Variants in NELL1 observed in about 807,000 individuals in gnomAD.
The protein encoded by NELL1 is neural EGFL like 1.
In NELL1, 76 loss-of-function variants were observed where a neutral mutation model predicts 107.4. The observed-to-expected ratio is 0.71, with a 90% CI of 0.59 to 0.86. The LOEUF (loss-of-function observed/expected upper bound fraction) is 0.86, where lower values mean the gene tolerates loss of function less well. NELL1 is among the 40% of genes least tolerant of loss of function. The pLI, the probability that NELL1 is intolerant of heterozygous loss-of-function variation, is 0.00. For missense variants in NELL1, 1,024 were observed against 1,005.5 expected (o/e 1.02, Z -0.25); for synonymous variants, 353 against 341.2 (o/e 1.03, Z -0.38).
At chr11:21,042,745 C>A (rs1301245330) in intron 12 of NELL1, among the ~76,000 whole-genome samples, 1 of 152,072 alleles carries the variant, frequency 6.6e-6, no homozygotes, top group Non-Finnish European at 1.5e-5. Context: ...TTGAAAACAT[C>A]TGAGGTAAAT....
At chr11:21,573,473 C>G in intron 19 of NELL1, 64 bp downstream of exon 19, 1 of 1,379,480 alleles carries the variant, frequency 7.2e-7, no homozygotes, top group Non-Finnish European at 1.0e-6. Flanking sequence ...TGCAGGAGGT[C>G]CACTCCTGAT....
At chr11:21,291,460 T>TA (rs1849260202) in intron 14 of NELL1, among the ~76,000 whole-genome samples, 1 of 151,964 alleles carries the variant, frequency 6.6e-6, no homozygotes, top group Non-Finnish European at 1.5e-5. Flanking sequence ...AGCCCAAGAC[T>TA]AGATAGATTC....
chr11:21,281,758 A>G (rs555108615), intron 14 of NELL1, among the ~76,000 whole-genome samples: 1 of 152,330 alleles, frequency 6.6e-6, no homozygotes. Context: ...TCTGCATGGT[A>G]ATCCAGATAA....
At chr11:21,153,770 A>G (rs1328349104) in intron 13 of NELL1, among the ~76,000 whole-genome samples, 1 of 152,176 alleles carries the variant, frequency 6.6e-6, no homozygotes, top group Non-Finnish European at 1.5e-5. Flanking sequence ...TCAGAGGTTA[A>G]TGTCAGTTAC....
At chr11:20,915,776 C>T (rs1850241991) in intron 5 of NELL1, among the ~76,000 whole-genome samples, 1 of 126,088 alleles carries the variant, frequency 7.9e-6, no homozygotes, top group Non-Finnish European at 1.6e-5. Flanking sequence ...TAGTTTTATG[C>T]ATTATAAAAT....
At chr11:21,218,667 A>G (rs559894990) in intron 13 of NELL1, among the ~76,000 whole-genome samples, 7 of 152,192 alleles carry the variant, frequency 4.6e-5, no homozygotes, top group South Asian at 2.1e-4. Context: ...CCAGCTTCTC[A>G]TAACCACAAG....
intron 10 of NELL1, among the ~76,000 whole-genome samples, chr11:20,942,363 GTGGGTAC>G (rs1850873510): frequency 6.6e-6 from 1 of 152,188 alleles, no homozygotes; most frequent in Non-Finnish European, 1.5e-5. Context: ...CTCTGCATCA[GTGGGTAC>G]TGGGTGTAGG....
intron 15 of NELL1, among the ~76,000 whole-genome samples, chr11:21,501,551 T>C (rs1855142576): frequency 6.6e-6 from 1 of 152,194 alleles, no homozygotes; most frequent in African/African-American, 2.4e-5. Flanking sequence ...ATTTGAGTCA[T>C]CAACAATGAA....
At chr11:21,481,378 G>C (rs1854487973) in intron 15 of NELL1, among the ~76,000 whole-genome samples, 1 of 152,144 alleles carries the variant, frequency 6.6e-6, no homozygotes, top group South Asian at 2.1e-4. Context: ...TCTGAGAAAG[G>C]GTTAGAGGAG....
chr11:20,975,597 A>T (rs1368764288), intron 12 of NELL1, among the ~76,000 whole-genome samples: 1 of 144,028 alleles, frequency 6.9e-6, no homozygotes, highest in African/African-American at 2.5e-5. Context: ...TGTAGATATA[A>T]TGTATTATAT....
At chr11:20,878,204 C>CA (rs1849341458) in intron 4 of NELL1, among the ~76,000 whole-genome samples, 1 of 151,498 alleles carries the variant, frequency 6.6e-6, no homozygotes, top group Admixed American at 6.6e-5. Context: ...ACTAAAAATA[C>CA]AAAAAATTAG....
At chr11:21,059,187 C>T (rs1326215340) in intron 12 of NELL1, among the ~76,000 whole-genome samples, 2 of 150,492 alleles carry the variant, frequency 1.3e-5, no homozygotes, top group Admixed American at 6.6e-5. Context: ...ATGGCAGTTG[C>T]ATTTTCTTAA....
At chr11:20,890,745 C>T (rs1050917192) in intron 5 of NELL1, among the ~76,000 whole-genome samples, 1 of 150,492 alleles carries the variant, frequency 6.6e-6, no homozygotes, top group Non-Finnish European at 1.5e-5. Flanking sequence ...ATTGACCAAG[C>T]AGAAAAAAGG....
At chr11:20,857,968 G>T (rs1848913986) in intron 4 of NELL1, among the ~76,000 whole-genome samples, 2 of 152,188 alleles carry the variant, frequency 1.3e-5, no homozygotes, top group African/African-American at 4.8e-5. Flanking sequence ...AACTGCATAT[G>T]CTGCCCTTCA....
intron 12 of NELL1, among the ~76,000 whole-genome samples, chr11:21,105,155 G>T (rs1854918629): frequency 6.6e-6 from 1 of 152,122 alleles, no homozygotes; most frequent in African/African-American, 2.4e-5. Context: ...AATACCCAAG[G>T]TTTGTTGCCT....
chr11:21,146,842 G>A (rs1487178503), intron 13 of NELL1, among the ~76,000 whole-genome samples: 1 of 152,062 alleles, frequency 6.6e-6, no homozygotes, highest in East Asian at 1.9e-4. Flanking sequence ...TCAGGAGTTC[G>A]AGACCAGCCT....
chr11:21,007,760 G>A (rs1372394295), intron 12 of NELL1, among the ~76,000 whole-genome samples: 2 of 151,922 alleles, frequency 1.3e-5, no homozygotes, highest in African/African-American at 2.4e-5. Context: ...CATTCTCAAA[G>A]AACAATGATA....
chr11:20,732,262 T>G (rs554198170), intron 2 of NELL1, among the ~76,000 whole-genome samples: 45 of 152,286 alleles, frequency 3.0e-4, no homozygotes, highest in African/African-American at 1.1e-3. Context: ...TTTGTTCTTA[T>G]GCTTCATGAA....
chr11:21,468,952 T>C (rs923672100), intron 15 of NELL1, among the ~76,000 whole-genome samples: 2 of 151,996 alleles, frequency 1.3e-5, no homozygotes, highest in East Asian at 3.9e-4. Flanking sequence ...ACTCTGCCTT[T>C]AGACACTTGA....
Sources: gnomAD v4.1 joint callset for allele counts (sites outside exome capture counted in the v4.1 genomes callset) on GRCh38, gnomAD v4.1.1 for gene constraint, MANE v1.5 for transcripts, NCBI Gene and HGNC (gene_info 2026-07-23, HGNC 2026-07-21) for gene names.